IGSF11: variants seen among roughly 807,000 people sequenced by gnomAD.
The protein encoded by IGSF11 is CXADR like 1.
IGSF11 carries 22 observed loss-of-function variants against 41.0 expected under a neutral mutation model. That is an observed-to-expected ratio of 0.54 (90% CI 0.38 to 0.77). IGSF11 has a LOEUF of 0.77. Ranked by LOEUF, IGSF11 falls within the 30% of genes least tolerant of loss-of-function variation. The probability of loss-of-function intolerance (pLI) is 0.00; values close to 1 mark genes in which losing one functional copy is unlikely to be tolerated. For missense variants in IGSF11, 444 were observed against 530.8 expected (o/e 0.84, Z 1.61); for synonymous variants, 219 against 201.3 (o/e 1.09, Z -0.74).
At chr3:118,999,471 T>C (rs1454254785) in intron 1 of IGSF11, among the ~76,000 whole-genome samples, 3 of 152,180 alleles carry the variant, frequency 2.0e-5, no homozygotes, top group Non-Finnish European at 2.9e-5. Flanking sequence ...GTTAATTTCA[T>C]CCCAAACCCT....
intron 1 of IGSF11, among the ~76,000 whole-genome samples, chr3:118,997,781 C>T (rs368625542): frequency 1.3e-5 from 2 of 152,146 alleles, no homozygotes; most frequent in African/African-American, 2.4e-5. Context: ...TGTCTTAGGA[C>T]GTTACTGTTA....
At chr3:118,940,889 A>G (rs1435664615) in intron 1 of IGSF11, among the ~76,000 whole-genome samples, 3 of 147,306 alleles carry the variant, frequency 2.0e-5, no homozygotes, top group Non-Finnish European at 4.5e-5. Context: ...CACTGGGGGA[A>G]AAAATAATCT....
intron 1 of IGSF11, among the ~76,000 whole-genome samples, chr3:119,138,978 A>C (rs2077601873): frequency 6.6e-6 from 1 of 152,132 alleles, no homozygotes; most frequent in Admixed American, 6.5e-5. Context: ...TTAGTATAGA[A>C]AAAAAATTAA....
At chr3:119,089,263 G>A (rs1293373620) in intron 1 of IGSF11, among the ~76,000 whole-genome samples, 1 of 151,890 alleles carries the variant, frequency 6.6e-6, no homozygotes, top group African/African-American at 2.4e-5. Context: ...TGGGATAGAA[G>A]GCTGGTTCAA....
At chr3:119,096,318 A>AAT (rs1403827989) in intron 1 of IGSF11, among the ~76,000 whole-genome samples, 19 of 151,918 alleles carry the variant, frequency 1.3e-4, no homozygotes, top group African/African-American at 3.9e-4. Context: ...CTTCAAGTAG[A>AAT]ATATATATAT....
intron 1 of IGSF11, among the ~76,000 whole-genome samples, chr3:119,001,466 T>C (rs1052002542): frequency 1.7e-5 from 2 of 120,304 alleles, no homozygotes; most frequent in African/African-American, 4.4e-5. Context: ...CCCCAGGTTT[T>C]CTTTTTTTTT....
At chr3:118,988,504 T>G (rs1229312452) in intron 1 of IGSF11, among the ~76,000 whole-genome samples, 1 of 152,142 alleles carries the variant, frequency 6.6e-6, no homozygotes, top group Non-Finnish European at 1.5e-5. Context: ...TTGGGCAAGT[T>G]GCAGCCTTCC....
chr3:119,113,627 G>T (rs1032158015), intron 1 of IGSF11, among the ~76,000 whole-genome samples: 1 of 152,214 alleles, frequency 6.6e-6, no homozygotes, highest in Non-Finnish European at 1.5e-5. Context: ...AGAGGCTAGG[G>T]TGGAGTGCCT....
chr3:119,050,334 AG>A, intron 1 of IGSF11, among the ~76,000 whole-genome samples: 1 of 152,378 alleles, frequency 6.6e-6, no homozygotes, highest in South Asian at 2.1e-4. Context: ...AAGTGGGCAA[AG>A]GACGTGAACA....
intron 4 of IGSF11, among the ~76,000 whole-genome samples, chr3:118,908,716 G>C (rs952852072): frequency 6.6e-6 from 1 of 152,116 alleles, no homozygotes; most frequent in Non-Finnish European, 1.5e-5. Flanking sequence ...CACCAGCTAC[G>C]TATCTGGCAC....
chr3:118,916,880 G>A (rs911145226), intron 4 of IGSF11, among the ~76,000 whole-genome samples: 4 of 151,706 alleles, frequency 2.6e-5, no homozygotes, highest in South Asian at 2.1e-4. Context: ...CAGCAAATGT[G>A]AAAGAACAGA....
intron 1 of IGSF11, among the ~76,000 whole-genome samples, chr3:119,076,434 T>C (rs1044549593): frequency 2.0e-5 from 3 of 152,068 alleles, no homozygotes; most frequent in Non-Finnish European, 4.4e-5. Context: ...GCTAAGGAGC[T>C]TCTGCACAGC....
chr3:118,976,420 T>C (rs760301304), intron 1 of IGSF11, among the ~76,000 whole-genome samples: 16 of 152,194 alleles, frequency 1.1e-4, no homozygotes, highest in Non-Finnish European at 2.1e-4. Flanking sequence ...ACATAGGAAA[T>C]CCCGAAGGCA....
chr3:119,111,257 T>C (rs1455454846), intron 1 of IGSF11, among the ~76,000 whole-genome samples: 2 of 152,258 alleles, frequency 1.3e-5, no homozygotes, highest in African/African-American at 4.8e-5. Flanking sequence ...TCTTTCCACA[T>C]AGACCCATAT....
At chr3:119,035,811 T>C (rs1940867659), upstream of IGSF11, among the ~76,000 whole-genome samples, 1 of 152,208 alleles carries the variant, frequency 6.6e-6, no homozygotes, top group Non-Finnish European at 1.5e-5. Flanking sequence ...CTTCTAAATT[T>C]GAGGACATAC....
At chr3:119,139,402 C>T (rs2077608279) in intron 1 of IGSF11, among the ~76,000 whole-genome samples, 1 of 152,176 alleles carries the variant, frequency 6.6e-6, no homozygotes, top group African/African-American at 2.4e-5. Context: ...TCTTGTAGCT[C>T]CCATAATTCC....
chr3:118,924,254 ATAT>A (rs1942091358), intron 4 of IGSF11, among the ~76,000 whole-genome samples: 3 of 152,166 alleles, frequency 2.0e-5, no homozygotes, highest in Non-Finnish European at 4.4e-5. Flanking sequence ...AAATCTCAAA[ATAT>A]TATTCCTCTG....
intron 1 of IGSF11, among the ~76,000 whole-genome samples, chr3:118,959,623 G>A (rs1296153677): frequency 1.3e-5 from 2 of 152,288 alleles, no homozygotes; most frequent in South Asian, 2.1e-4. Context: ...GTGGTTTTCC[G>A]CAAAGAAAAC....
At chr3:118,907,604 C>T (rs1466357551) in intron 4 of IGSF11, among the ~76,000 whole-genome samples, 5 of 152,154 alleles carry the variant, frequency 3.3e-5, no homozygotes, top group African/African-American at 7.2e-5. Flanking sequence ...AAAAGTGCTG[C>T]CTACTCTTTA....
Sources: allele counts gnomAD v4.1 joint callset (sites outside exome capture counted in the v4.1 genomes callset), GRCh38; gene constraint gnomAD v4.1.1; transcripts MANE v1.5; gene names NCBI Gene and HGNC (gene_info 2026-07-23, HGNC 2026-07-21).